CSMD1: variants seen among roughly 807,000 people sequenced by gnomAD.
CSMD1 encodes the protein CUB and Sushi multiple domains 1.
In CSMD1, 213 loss-of-function variants were observed where a neutral mutation model predicts 417.5. The ratio of observed to expected loss-of-function variants is 0.51; its 90% CI spans 0.46 to 0.57. The LOEUF is 0.57. Among genes scored for constraint, CSMD1 ranks in the 20% least tolerant of loss-of-function variants. The probability of loss-of-function intolerance (pLI) is 0.00; values close to 1 mark genes in which losing one functional copy is unlikely to be tolerated. For missense variants in CSMD1, 6,923 were observed against 4,529.7 expected (o/e 1.53, Z -15.17); for synonymous variants, 2,862 against 1,736.8 (o/e 1.65, Z -16.11).
intron 5 of CSMD1, among the ~76,000 whole-genome samples, chr8:3,782,138 T>C (rs1402111770): frequency 6.6e-6 from 1 of 152,236 alleles, no homozygotes; most frequent in Non-Finnish European, 1.5e-5. Flanking sequence ...ATTTCTTTTT[T>C]TCTCATTTAA....
chr8:3,003,743 A>G (rs940557985), intron 52 of CSMD1, among the ~76,000 whole-genome samples: 2 of 152,166 alleles, frequency 1.3e-5, no homozygotes, highest in African/African-American at 4.8e-5. Flanking sequence ...AGTGGAAGGA[A>G]CACTCAGCCA....
At chr8:4,093,965 A>AATAGATAGATAG (rs201105711) in intron 3 of CSMD1, among the ~76,000 whole-genome samples, 3,568 of 136,910 alleles carry the variant, frequency 0.026, 54 homozygotes, top group African/African-American at 0.032. Flanking sequence ...CTACATCTCA[A>AATAGATAGATAG]ATAGATAGAT....
Position 2,973,243 on chromosome 8 carries a change from C to T in CSMD1, c.8797G>A (p.Gly2933Ser). Residue 2933 changes from glycine (G) to serine (S), a missense_variant, in exon 57 of 70, where the codon GGT becomes AGT. Coordinates refer to ENST00000635120, the MANE Select transcript of CSMD1 (RefSeq NM_033225.6). Reference protein sequence around the residue: ...PGTPAHGSRLGDDFKTKSLLR... With the variant: ...PGTPAHGSRLSDDFKTKSLLR... ...AGACTCTTTGTCTTAAAGTCATCAC[C>T]AAGCCGAGACCCATGTGCTGGGGTC... The T allele has an allele frequency of 6.2e-7, 1 of 1,613,922 alleles. No individual in the cohort carries two copies. The highest frequency in any genetic ancestry group is 1.1e-5 in the South Asian group (1 of 91,080).
intron 2 of CSMD1, among the ~76,000 whole-genome samples, chr8:4,546,478 A>C (rs949842513): frequency 2.0e-5 from 3 of 152,200 alleles, no homozygotes; most frequent in African/African-American, 7.2e-5. Context: ...AACCCATGGC[A>C]GGCCACAAAG....
intron 2 of CSMD1, among the ~76,000 whole-genome samples, chr8:4,550,082 G>A (rs1210156849): frequency 6.6e-6 from 1 of 151,712 alleles, no homozygotes. Context: ...CCCATGTTTG[G>A]ATAGGCGTGG....
intron 1 of CSMD1, among the ~76,000 whole-genome samples, chr8:4,743,676 A>G (rs1458826646): frequency 6.6e-6 from 1 of 152,194 alleles, no homozygotes; most frequent in East Asian, 1.9e-4. Flanking sequence ...AGTTAATTTG[A>G]GTCAAAGCTT....
At chr8:4,305,928 T>C (rs1798217596) in intron 3 of CSMD1, among the ~76,000 whole-genome samples, 1 of 152,196 alleles carries the variant, frequency 6.6e-6, no homozygotes, top group African/African-American at 2.4e-5. Flanking sequence ...CTATAACCTT[T>C]ATTTAATAAA....
In CSMD1 at chr8:2,938,356, C is replaced by G; in HGVS notation, c.*229G>C. On this transcript the variant is annotated 3_prime_UTR_variant, in exon 70 of 70. Transcript: ENST00000635120. ...GTGCCTTGATTTCATACAGATGCAG[C>G]CAGGCATTTAGAACCCACTTTTGGA... 2.2e-6 allele frequency: 1 copy of G among 460,460 alleles called. No homozygotes were observed. Among genetic ancestry groups the G allele is most frequent in the Non-Finnish European group, 3.8e-6 (1 of 261,782 alleles). 28.5% of individuals were successfully genotyped at this position (460,460 alleles called of 1,614,324 possible). A position where few individuals can be genotyped will look rare whatever the true frequency, so the allele number is the denominator to read the frequency against.
At chr8:3,786,676 G>T (rs1315063897) in intron 5 of CSMD1, among the ~76,000 whole-genome samples, 3 of 152,136 alleles carry the variant, frequency 2.0e-5, no homozygotes, top group Admixed American at 2.0e-4. Context: ...TACAGACTTT[G>T]TGGCTTAAAC....
intron 3 of CSMD1, among the ~76,000 whole-genome samples, chr8:4,335,408 C>G (rs918607666): frequency 6.6e-6 from 1 of 152,078 alleles, no homozygotes. Flanking sequence ...ATTGCACCAT[C>G]TCTTTCTGAA....
chr8:3,622,735 T>A (rs1045336230), intron 7 of CSMD1, among the ~76,000 whole-genome samples: 14 of 152,112 alleles, frequency 9.2e-5, no homozygotes, highest in Non-Finnish European at 8.8e-5. Flanking sequence ...TCAGAAAAAG[T>A]ATGCTGACAC....
intron 41 of CSMD1, chr8:3,128,136 G>C (rs536497301): frequency 6.6e-6 from 1 of 152,034 alleles, no homozygotes; most frequent in African/African-American, 2.4e-5. Flanking sequence ...AAATAACACA[G>C]AGAATTTTAT....
chr8:3,269,048 C>G (rs555161116), intron 26 of CSMD1, among the ~76,000 whole-genome samples: 16 of 152,294 alleles, frequency 1.1e-4, no homozygotes, highest in Middle Eastern at 3.4e-3. Context: ...ATCAATCTCG[C>G]TAATGTTAGA....
At chr8:4,027,102 G>A (rs778165389) in intron 4 of CSMD1, among the ~76,000 whole-genome samples, 1 of 152,166 alleles carries the variant, frequency 6.6e-6, no homozygotes, top group Non-Finnish European at 1.5e-5. Context: ...GAAAAACACA[G>A]CTTTGTGGAG....
At chr8:4,388,260 T>C (rs1803600880) in intron 3 of CSMD1, among the ~76,000 whole-genome samples, 1 of 149,428 alleles carries the variant, frequency 6.7e-6, no homozygotes, top group East Asian at 2.0e-4. Context: ...AATCATGGAA[T>C]GAACCCAAAT....
At chr8:4,682,902 G>T (rs1806136533) in intron 1 of CSMD1, among the ~76,000 whole-genome samples, 1 of 143,532 alleles carries the variant, frequency 7.0e-6, no homozygotes, top group African/African-American at 2.5e-5. Flanking sequence ...AATAACTTTG[G>T]AACATTTTTA....
Position 4,943,502 on chromosome 8 carries a change from AT to A in CSMD1, c.85+50829del, listed in dbSNP as rs1395552277. Reference sequence around the variant, plus strand: ...CAGAGTGAGACACCGTCTCAAAAAAATAAAATGAAATAAAATAAAATAAAAT... The same window carrying A: ...CAGAGTGAGACACCGTCTCAAAAAAAAAAATGAAATAAAATAAAATAAAAT... On this transcript the variant is annotated intron_variant, in intron 1 of 69. Transcript: ENST00000635120. Among the ~76,000 whole-genome samples the A allele has an allele frequency of 7.2e-3, 128 of 17,892 alleles. 1 individual carries two copies. The highest frequency in any genetic ancestry group is 0.051 in the Admixed American group (33 of 642). 11.7% of individuals were successfully genotyped at this position (17,892 alleles called of 152,430 possible).
At chr8:4,989,833 G>A (rs1276776830) in intron 1 of CSMD1, among the ~76,000 whole-genome samples, 1 of 152,194 alleles carries the variant, frequency 6.6e-6, no homozygotes, top group Non-Finnish European at 1.5e-5. Flanking sequence ...ACCGAGCTTT[G>A]TTTATCTGTT....
intron 2 of CSMD1, among the ~76,000 whole-genome samples, chr8:4,571,458 G>A (rs1157236916): frequency 6.6e-6 from 1 of 152,176 alleles, no homozygotes; most frequent in African/African-American, 2.4e-5. Context: ...AGTTTTGAGT[G>A]AGTTTCTTAA....
Sources: gnomAD v4.1 joint callset for allele counts (sites outside exome capture counted in the v4.1 genomes callset) on GRCh38, gnomAD v4.1.1 for gene constraint, MANE v1.5 for transcripts, NCBI Gene and HGNC (gene_info 2026-07-23, HGNC 2026-07-21) for gene names.